The following CCBE1 variants were observed in gnomAD, a reference collection of about 807,000 sequenced individuals.
CCBE1 encodes collagen and calcium binding EGF domains 1.
CCBE1 carries 37 observed loss-of-function variants against 50.0 expected under a neutral mutation model. That is an observed-to-expected ratio of 0.74 (90% CI 0.57 to 0.97). The LOEUF (loss-of-function observed/expected upper bound fraction) is 0.97. Ranked by LOEUF, CCBE1 falls within the 50% of genes least tolerant of loss-of-function variation. The pLI, the probability that CCBE1 is intolerant of heterozygous loss-of-function variation, is 0.00. For synonymous variants in CCBE1, 234 were observed against 203.7 expected (o/e 1.15, Z -1.27); for missense variants, 538 against 523.8 (o/e 1.03, Z -0.26).
At chr18:59,518,543 C>T (rs780377956) in intron 2 of CCBE1, among the ~76,000 whole-genome samples, 4 of 152,258 alleles carry the variant, frequency 2.6e-5, no homozygotes, top group Non-Finnish European at 4.4e-5. Context: ...TCAGCTATAA[C>T]TCATGTTGGC....
intron 2 of CCBE1, among the ~76,000 whole-genome samples, chr18:59,539,330 G>C (rs1915378934): frequency 6.6e-6 from 1 of 152,180 alleles, no homozygotes; most frequent in Admixed American, 6.5e-5. Flanking sequence ...ACATTTCAAG[G>C]AACTGAGAGT....
intron 2 of CCBE1, among the ~76,000 whole-genome samples, chr18:59,587,540 T>A (rs2053195423): frequency 6.6e-6 from 1 of 152,232 alleles, no homozygotes; most frequent in Non-Finnish European, 1.5e-5. Context: ...CAGACTCCAT[T>A]TTCAAGAGCT....
chr18:59,485,507 A>G (rs1912772270), intron 2 of CCBE1, among the ~76,000 whole-genome samples: 1 of 152,062 alleles, frequency 6.6e-6, no homozygotes, highest in Non-Finnish European at 1.5e-5. Context: ...CCTTGCTGCA[A>G]TGCAAGGGTA....
chr18:59,618,490 A>C (rs1341397534), intron 2 of CCBE1, among the ~76,000 whole-genome samples: 1 of 149,870 alleles, frequency 6.7e-6, no homozygotes, highest in Non-Finnish European at 1.5e-5. Flanking sequence ...ACTGGAGCGC[A>C]GTGGCACAAT....
chr18:59,643,223 T>C (rs897988918), intron 2 of CCBE1, among the ~76,000 whole-genome samples: 2 of 152,158 alleles, frequency 1.3e-5, no homozygotes, highest in African/African-American at 4.8e-5. Flanking sequence ...CTAGTATTAT[T>C]CATCCTATTT....
intron 2 of CCBE1, among the ~76,000 whole-genome samples, chr18:59,691,804 C>T (rs1037199900): frequency 6.6e-6 from 1 of 152,144 alleles, no homozygotes; most frequent in African/African-American, 2.4e-5. Flanking sequence ...CTCAGCTATG[C>T]CAGCCACAGG....
chr18:59,537,561 G>T (rs1915301239), intron 2 of CCBE1, among the ~76,000 whole-genome samples: 1 of 152,148 alleles, frequency 6.6e-6, no homozygotes, highest in Non-Finnish European at 1.5e-5. Flanking sequence ...TGATTGTGAG[G>T]CCTCTTCAGC....
At position 59,439,554 on chromosome 18, in the gene CCBE1, C is replaced by T; in HGVS notation, c.940G>A (p.Asp314Asn). The T allele has an allele frequency of 6.2e-7, 1 of 1,614,284 alleles. No homozygotes were observed. Among genetic ancestry groups the T allele is most frequent in the Non-Finnish European group, 8.5e-7 (1 of 1,180,054 alleles). The change falls in exon 9 of 11, where the codon GAT (aspartate) becomes AAT (asparagine). Residue 314 changes from aspartate (D) to asparagine (N), a missense_variant. By Grantham distance (23) the Asp-to-Asn change is conservative (BLOSUM62 1). Transcript: ENST00000439986. ...PVGPPGAPGRDGSKGERGAPG... is the reference protein window; with the variant it reads ...PVGPPGAPGRNGSKGERGAPG... ...CTCATAAGGCTTACCTTAGAACCATCTCTTCCTGGTGCCCCTGGTGGACCC... is the reference window on the plus strand; with the variant it reads ...CTCATAAGGCTTACCTTAGAACCATTTCTTCCTGGTGCCCCTGGTGGACCC...
At chr18:59,534,093 T>A (rs1453231186) in intron 2 of CCBE1, among the ~76,000 whole-genome samples, 1 of 142,220 alleles carries the variant, frequency 7.0e-6, no homozygotes, top group Non-Finnish European at 1.5e-5. Flanking sequence ...GCCTTAGTGA[T>A]CTATACATGG....
chr18:59,541,152 A>G (rs1345726141), intron 2 of CCBE1, among the ~76,000 whole-genome samples: 1 of 152,236 alleles, frequency 6.6e-6, no homozygotes, highest in Non-Finnish European at 1.5e-5. Context: ...GTAGCTTTGC[A>G]AAACACTCAC....
chr18:59,507,950 G>T (rs1913954583), intron 2 of CCBE1, among the ~76,000 whole-genome samples: 2 of 151,492 alleles, frequency 1.3e-5, no homozygotes, highest in Admixed American at 1.3e-4. Flanking sequence ...AAGGGCAGTG[G>T]CACGATCTCA....
At chr18:59,437,947 T>C (rs926169441) in intron 10 of CCBE1, among the ~76,000 whole-genome samples, 164 bp downstream of exon 10, 1 of 152,200 alleles carries the variant, frequency 6.6e-6, no homozygotes, top group Non-Finnish European at 1.5e-5. Flanking sequence ...AACTAGCAGC[T>C]AAGGGCTTCT....
intron 2 of CCBE1, among the ~76,000 whole-genome samples, chr18:59,655,903 A>C (rs544447400): frequency 1.3e-5 from 2 of 152,352 alleles, no homozygotes; most frequent in Admixed American, 1.3e-4. Flanking sequence ...GAAAGCAGAC[A>C]GAACACCACA....
At chr18:59,611,102 C>T (rs1055016024) in intron 2 of CCBE1, among the ~76,000 whole-genome samples, 3 of 152,236 alleles carry the variant, frequency 2.0e-5, no homozygotes, top group Non-Finnish European at 4.4e-5. Context: ...GGGAGCTCCA[C>T]ACCTGCATGG....
At chr18:59,621,968 C>T (rs569132782) in intron 2 of CCBE1, among the ~76,000 whole-genome samples, 11 of 152,174 alleles carry the variant, frequency 7.2e-5, no homozygotes, top group Non-Finnish European at 1.3e-4. Flanking sequence ...CTAAACGACA[C>T]CCCAGCACTA....
chr18:59,562,933 A>G (rs79017927), intron 2 of CCBE1, among the ~76,000 whole-genome samples: 3,114 of 152,156 alleles, frequency 0.02, 104 homozygotes, highest in African/African-American at 0.069. Context: ...TCCCAGTTTG[A>G]GTGGTGGTGT....
At chr18:59,493,327 T>A (rs1913198963) in intron 2 of CCBE1, among the ~76,000 whole-genome samples, 2 of 152,222 alleles carry the variant, frequency 1.3e-5, no homozygotes, top group Admixed American at 1.3e-4. Flanking sequence ...GAGAAATTCA[T>A]GTAACACCGA....
intron 2 of CCBE1, among the ~76,000 whole-genome samples, chr18:59,541,998 G>A (rs1465631259): frequency 6.6e-6 from 1 of 151,742 alleles, no homozygotes; most frequent in East Asian, 1.9e-4. Flanking sequence ...GCAACATGGT[G>A]AGACCCTGTT....
intron 2 of CCBE1, among the ~76,000 whole-genome samples, chr18:59,673,048 G>A (rs961332024): frequency 2.0e-5 from 3 of 152,134 alleles, no homozygotes; most frequent in Admixed American, 2.0e-4. Context: ...AAAGTCAGCT[G>A]GAAACATGAC....
Sources: allele counts gnomAD v4.1 joint callset (sites outside exome capture counted in the v4.1 genomes callset), GRCh38; gene constraint gnomAD v4.1.1; transcripts MANE v1.5; gene names NCBI Gene and HGNC (gene_info 2026-07-23, HGNC 2026-07-21).